The following NLGN4X variants were observed in gnomAD, a reference collection of about 807,000 sequenced individuals.
NLGN4X encodes the protein neuroligin 4 X-linked.
A neutral mutation model predicts 40.3 loss-of-function variants in NLGN4X; 3 were observed. That is an observed-to-expected ratio of 0.07 (90% confidence interval 0.03 to 0.19). NLGN4X has a LOEUF of 0.19. NLGN4X is among the 10% of genes least tolerant of loss of function. The pLI, the probability that NLGN4X is intolerant of heterozygous loss-of-function variation, is 1.00. For missense variants in NLGN4X, 382 were observed against 708.3 expected, an observed-to-expected ratio of 0.54 and a Z score of 5.23; for synonymous variants, 270 against 306.8, an observed-to-expected ratio of 0.88 and a Z score of 1.25.
intron 2 of NLGN4X, among the ~76,000 whole-genome samples, chrX:6,060,004 T>C (rs1248087690): frequency 8.9e-6 from 1 of 112,089 alleles, no homozygotes; most frequent in African/African-American, 3.2e-5. Context: ...TCCATTTTTG[T>C]GGATTACATA....
intron 2 of NLGN4X, among the ~76,000 whole-genome samples, chrX:6,034,528 A>C (rs1161342163): frequency 8.9e-6 from 1 of 112,295 alleles, no homozygotes; most frequent in Non-Finnish European, 1.9e-5. Context: ...CTGTTTCATA[A>C]GGCAAATTTA....
intron 2 of NLGN4X, among the ~76,000 whole-genome samples, chrX:6,041,305 T>A (rs1209120280): frequency 8.9e-6 from 1 of 111,780 alleles, no homozygotes; most frequent in Non-Finnish European, 1.9e-5. Context: ...AAATAGAGGT[T>A]GTTTGAGATG....
At chrX:6,124,543 G>A (rs146671868) in intron 2 of NLGN4X, among the ~76,000 whole-genome samples, 2,271 of 111,299 alleles carry the variant, frequency 0.02, 54 homozygotes, top group African/African-American at 0.069. Flanking sequence ...TTAGCTGGGC[G>A]TGGTGGTGTG....
intron 1 of NLGN4X, among the ~76,000 whole-genome samples, chrX:6,212,283 G>C (rs1924682330): frequency 1.8e-5 from 2 of 108,610 alleles, no homozygotes; most frequent in Non-Finnish European, 1.9e-5. Flanking sequence ...GCTACGATTT[G>C]CTTATATTCC....
intron 2 of NLGN4X, among the ~76,000 whole-genome samples, chrX:6,133,744 G>A (rs1359901124): frequency 9.0e-6 from 1 of 111,698 alleles, no homozygotes; most frequent in East Asian, 2.8e-4. Context: ...GAAAACAATT[G>A]CTGTCTGACA....
intron 1 of NLGN4X, among the ~76,000 whole-genome samples, chrX:6,209,708 T>C (rs191697458): frequency 8.9e-6 from 1 of 112,333 alleles, no homozygotes; most frequent in Admixed American, 9.5e-5. Context: ...TCTGGATTTA[T>C]ATCATGCATA....
chrX:6,111,218 T>C (rs1393182659), intron 2 of NLGN4X, among the ~76,000 whole-genome samples: 3 of 111,958 alleles, frequency 2.7e-5, no homozygotes, highest in East Asian at 5.6e-4. Context: ...GTCTGAATGG[T>C]AGTGTCCTCC....
chrX:5,965,687 T>C (rs1354648693), intron 3 of NLGN4X, among the ~76,000 whole-genome samples: 1 of 111,974 alleles, frequency 8.9e-6, no homozygotes, highest in African/African-American at 3.2e-5. Context: ...CCTTATGTGA[T>C]AGGCATATTC....
At chrX:5,907,477 A>G (rs1051745932) in intron 4 of NLGN4X, among the ~76,000 whole-genome samples, 1 of 111,958 alleles carries the variant, frequency 8.9e-6, no homozygotes, top group Non-Finnish European at 1.9e-5. Context: ...TATGCTGACC[A>G]TTACTTAGGC....
intron 2 of NLGN4X, among the ~76,000 whole-genome samples, chrX:6,045,711 T>C (rs2037300457): frequency 8.9e-6 from 1 of 111,922 alleles, no homozygotes; most frequent in African/African-American, 3.2e-5. Flanking sequence ...AATATTTATT[T>C]TGGCAGGAAA....
intron 3 of NLGN4X, among the ~76,000 whole-genome samples, chrX:5,986,444 G>C (rs1257256484): frequency 9.2e-6 from 1 of 108,641 alleles, no homozygotes; most frequent in African/African-American, 3.6e-5. Flanking sequence ...CAATATGAAA[G>C]ATAAAATATT....
chrX:5,922,842 G>A (rs977504652), intron 3 of NLGN4X, among the ~76,000 whole-genome samples: 4 of 110,539 alleles, frequency 3.6e-5, no homozygotes, highest in African/African-American at 6.6e-5. Flanking sequence ...CAGCCTGGGC[G>A]ACAGAGGGAG....
At chrX:6,019,388 G>A (rs2036476637) in intron 3 of NLGN4X, among the ~76,000 whole-genome samples, 1 of 111,840 alleles carries the variant, frequency 8.9e-6, no homozygotes, top group African/African-American at 3.2e-5. Context: ...CATAGTAAGT[G>A]TATACATTTG....
chrX:6,156,269 G>A (rs1478009524), intron 1 of NLGN4X, among the ~76,000 whole-genome samples: 1 of 112,089 alleles, frequency 8.9e-6, no homozygotes, highest in African/African-American at 3.2e-5. Context: ...CAGCACTTTG[G>A]GAGGCCGAGG....
Position 5,960,472 on chromosome X carries a change from T to C in NLGN4X, c.626-51233A>G, listed in dbSNP as rs190053818. Among the ~76,000 whole-genome samples the C allele has an allele frequency of 2.1e-3, 237 of 111,711 alleles. 2 individuals carry two copies. Among genetic ancestry groups the C allele is most frequent in the African/African-American group, 7.2e-3 (222 of 30,827 alleles). On this transcript the variant is annotated intron_variant, in intron 3 of 5. Coordinates refer to ENST00000381095, the MANE Select transcript of NLGN4X (RefSeq NM_181332.3). The stretch of plus-strand genomic sequence containing the variant: ...TTTAAAAGCAATATTTCAAAGAACT[T>C]ACTTAAATACTTTCACAAAGGAATT...
chrX:5,974,182 G>A (rs766132706), intron 3 of NLGN4X, among the ~76,000 whole-genome samples: 39 of 112,260 alleles, frequency 3.5e-4, no homozygotes, highest in African/African-American at 1.1e-3. Flanking sequence ...TGGTCAAATG[G>A]TGTCCCTGTA....
rs1163973694 is a variant in NLGN4X at position 5,900,560 on chromosome X, C to CTTTTTTTTTTTTTTTTTTTTTT, written c.1601+2495_1601+2516dup. Reference sequence around the variant, plus strand: ...GTTATAAGACACACCGTTTTTGGTGCTTTTTTTTTTTTTTTTTTTTTTTTT... The same window carrying CTTTTTTTTTTTTTTTTTTTTTT: ...GTTATAAGACACACCGTTTTTGGTGCTTTTTTTTTTTTTTTTTTTTTTTTTTTTTTTTTTTTTTTTTTTTTTT... On this transcript the variant is annotated intron_variant, in intron 5 of 5. Transcript: ENST00000381095. Among the ~76,000 whole-genome samples the CTTTTTTTTTTTTTTTTTTTTTT allele has an allele frequency of 4.4e-5, 2 of 45,596 alleles. 1 individual carries two copies. Among genetic ancestry groups the CTTTTTTTTTTTTTTTTTTTTTT allele is most frequent in the African/African-American group, 1.7e-4 (2 of 11,772 alleles). The allele number at this position is 45,596 out of a possible 115,157, so 39.6% of individuals were successfully genotyped here.
chrX:6,147,562 G>A (rs1167438487), intron 2 of NLGN4X, among the ~76,000 whole-genome samples: 1 of 110,855 alleles, frequency 9.0e-6, no homozygotes, highest in Non-Finnish European at 1.9e-5. Flanking sequence ...GGAACTTCTC[G>A]GCTTGACTTT....
At chrX:6,053,377 T>A (rs781645053) in intron 2 of NLGN4X, among the ~76,000 whole-genome samples, 2 of 111,190 alleles carry the variant, frequency 1.8e-5, no homozygotes, top group Non-Finnish European at 3.8e-5. Flanking sequence ...ATCATGTTTC[T>A]CCACTTGTTC....
Sources: gnomAD v4.1 joint callset for allele counts (sites outside exome capture counted in the v4.1 genomes callset) on GRCh38, gnomAD v4.1.1 for gene constraint, MANE v1.5 for transcripts, NCBI Gene and HGNC (gene_info 2026-07-23, HGNC 2026-07-21) for gene names.